The following DEPDC5 variants were observed in gnomAD, a reference collection of about 807,000 sequenced individuals.
DEPDC5 encodes the protein GATOR1 complex protein DEPDC5.
Under a neutral mutation model 217.3 loss-of-function variants are expected in DEPDC5, and 73 were observed. The observed-to-expected ratio is 0.34, with a 90% CI of 0.28 to 0.41. The LOEUF is 0.41. Among genes scored for constraint, DEPDC5 ranks in the 10% least tolerant of loss-of-function variants. DEPDC5 has a pLI of 1.00. For synonymous variants in DEPDC5, 733 were observed against 756.7 expected (o/e 0.97, Z 0.51); for missense variants, 1,675 against 2,070.1 (o/e 0.81, Z 3.70).
intron 37 of DEPDC5, among the ~76,000 whole-genome samples, chr22:31,879,043 A>AAAATAT (rs763615141): frequency 3.4e-4 from 41 of 119,456 alleles, no homozygotes; most frequent in Admixed American, 4.0e-4. Context: ...AAAAAAAAAA[A>AAAATAT]ATATATATAT....
At chr22:31,836,877 T>C (rs1490617427) in intron 25 of DEPDC5, 95 bp from the exon 26 acceptor site, 1 of 1,200,942 alleles carries the variant, frequency 8.3e-7, no homozygotes, top group East Asian at 2.4e-5. Context: ...CTGAACTTTT[T>C]TCCCCACTCT....
rs772797869 is a variant in DEPDC5 at position 31,906,356 on chromosome 22, A to T, written c.4671A>T (p.Thr1557=). 4 of 1,614,046 alleles carry T rather than the reference A, an allele frequency of 2.5e-6. No homozygotes were observed. The highest frequency in any genetic ancestry group is 1.7e-6 in the Non-Finnish European group (2 of 1,179,946). ...CCTACAACACCATGCTCACCAAAAC[A>T]TGGCGCTCCAGCGCCACAGGGGATG... is the stretch of plus-strand genomic sequence containing the variant. ...NWAYNTMLTK[T]WRSSATGDEK... Residue 1557 remains threonine, a synonymous_variant, in exon 43 of 43, where the codon ACA becomes ACT. Transcript: ENST00000651528. This position sits in a 1 kb window ranked among gnomAD's most constrained non-coding sequence, Gnocchi z 5.1.
At chr22:31,886,634 C>T (rs188856852) in intron 38 of DEPDC5, among the ~76,000 whole-genome samples, 187 of 150,748 alleles carry the variant, frequency 1.2e-3, no homozygotes, top group Middle Eastern at 3.4e-3. Context: ...GTGGCATGCA[C>T]CTGTAATCCC....
intron 34 of DEPDC5, among the ~76,000 whole-genome samples, chr22:31,872,146 T>C (rs527961576): frequency 6.6e-6 from 1 of 152,274 alleles, no homozygotes; most frequent in Non-Finnish European, 1.5e-5. Flanking sequence ...CAGTTCGGTA[T>C]AGTGGGTGGC....
At chr22:31,774,733 C>T (rs577543810) in intron 7 of DEPDC5, among the ~76,000 whole-genome samples, 59 of 152,192 alleles carry the variant, frequency 3.9e-4, no homozygotes, top group African/African-American at 1.3e-3. Flanking sequence ...GTTTCACCTA[C>T]TTGGGAGTCT....
rs962888276 is a variant in DEPDC5, at chr22:31,907,634, C to T, written c.*1137C>T. 2 of 152,318 alleles carry T rather than the reference C, an allele frequency of 1.3e-5. No homozygotes were observed. The highest frequency in any genetic ancestry group is 4.8e-5 in the African/African-American group (2 of 41,428). The allele number at this position is 152,318 out of a possible 1,614,324, so 9.4% of individuals were successfully genotyped here. On this transcript the variant is annotated 3_prime_UTR_variant, in exon 43 of 43. Transcript: ENST00000651528. ...GAACTCCTCACCTCAGGCGATCCACCCACCTCAGCCTCCCAAAGTGCTGGG... is the reference window on the plus strand; with the variant it reads ...GAACTCCTCACCTCAGGCGATCCACTCACCTCAGCCTCCCAAAGTGCTGGG...
chr22:31,857,797 C>G (rs1427641896), intron 32 of DEPDC5: 9 of 358,200 alleles, frequency 2.5e-5, no homozygotes, highest in Non-Finnish European at 2.0e-5. Flanking sequence ...TGCTTGTAAT[C>G]CCAGCACTTT....
intron 19 of DEPDC5, 146 bp from the exon 20 acceptor site, chr22:31,810,375 G>A (rs2088133806): frequency 8.2e-7 from 1 of 1,222,854 alleles, no homozygotes. Context: ...GTGATCACCT[G>A]TGCCTTGCAG....
chr22:31,899,543 T>G (rs1168555433), intron 40 of DEPDC5, among the ~76,000 whole-genome samples: 1 of 151,958 alleles, frequency 6.6e-6, no homozygotes, highest in East Asian at 1.9e-4. Context: ...CACACGCCAT[T>G]CATGCCCAGG....
chr22:31,866,346 C>T (rs2092688619), intron 33 of DEPDC5, among the ~76,000 whole-genome samples: 1 of 152,042 alleles, frequency 6.6e-6, no homozygotes, highest in Non-Finnish European at 1.5e-5. Flanking sequence ...TGCCTGGCTT[C>T]CCAGTCTCTT....
At chr22:31,819,837 T>G (rs1459997743) in intron 22 of DEPDC5, among the ~76,000 whole-genome samples, 1 of 152,184 alleles carries the variant, frequency 6.6e-6, no homozygotes, top group Non-Finnish European at 1.5e-5. Flanking sequence ...ATGTCCCTCA[T>G]TCTTGTTCAT....
chr22:31,812,592 T>TG (rs1491510654), intron 20 of DEPDC5, among the ~76,000 whole-genome samples: 1 of 142,142 alleles, frequency 7.0e-6, no homozygotes, highest in African/African-American at 2.5e-5. Context: ...GCCCAGCTAA[T>TG]TTTTTGTATT....
intron 14 of DEPDC5, 136 bp downstream of exon 14, chr22:31,798,792 A>G (rs1220220977): frequency 1.4e-6 from 1 of 739,428 alleles, no homozygotes; most frequent in Non-Finnish European, 2.1e-6. Flanking sequence ...AGTCCACAGA[A>G]TAAAGTGAAA....
chr22:31,812,615 G>A (rs1425504092), intron 20 of DEPDC5, among the ~76,000 whole-genome samples: 4 of 146,854 alleles, frequency 2.7e-5, no homozygotes, highest in Non-Finnish European at 3.0e-5. Flanking sequence ...TAGTAGAGAC[G>A]GGGTTTCACC....
chr22:31,880,878 G>C (rs2149302996), intron 38 of DEPDC5, among the ~76,000 whole-genome samples: 1 of 152,198 alleles, frequency 6.6e-6, no homozygotes, highest in East Asian at 1.9e-4. Context: ...CAAAAAATTA[G>C]CCAGGCGTGA....
chr22:31,826,487 C>T (rs1272980757), intron 24 of DEPDC5: 1 of 432,934 alleles, frequency 2.3e-6, no homozygotes, highest in East Asian at 8.3e-5. Context: ...TAGATAGGTT[C>T]CTCTCTATAG....
At chr22:31,796,697 A>C (rs2086277043) in intron 12 of DEPDC5, among the ~76,000 whole-genome samples, 1 of 148,882 alleles carries the variant, frequency 6.7e-6, no homozygotes, top group Non-Finnish European at 1.5e-5. Flanking sequence ...ACCAACAGTG[A>C]GTGCTCTTTT....
At chr22:31,864,553 A>G (rs1569144969) in intron 33 of DEPDC5, among the ~76,000 whole-genome samples, 1 of 136,994 alleles carries the variant, frequency 7.3e-6, no homozygotes, top group African/African-American at 2.7e-5. Flanking sequence ...TACTGTGTGT[A>G]TTTCTTCATT....
intron 28 of DEPDC5, 148 bp from the exon 29 acceptor site, chr22:31,843,497 C>A: frequency 1.1e-6 from 1 of 944,626 alleles, no homozygotes; most frequent in Non-Finnish European, 1.6e-6. Context: ...TGAGAAATTT[C>A]TAGTACCGTT....
Sources: gnomAD v4.1 joint callset for allele counts (sites outside exome capture counted in the v4.1 genomes callset) on GRCh38, gnomAD v4.1.1 for gene constraint, Gnocchi (gnomAD v3.1) non-coding constraint, MANE v1.5 for transcripts, NCBI Gene and HGNC (gene_info 2026-07-23, HGNC 2026-07-21) for gene names.